SPEF2: variants seen among roughly 807,000 people sequenced by gnomAD.
The protein encoded by SPEF2 is sperm flagella and cilia-associated protein 2.
A neutral mutation model predicts 224.6 loss-of-function variants in SPEF2; 187 were observed. That is an observed-to-expected ratio of 0.83 (90% CI 0.74 to 0.94). The LOEUF (loss-of-function observed/expected upper bound fraction) is 0.94. Among genes scored for constraint, SPEF2 ranks in the 40% least tolerant of loss-of-function variants. The pLI, the probability that SPEF2 is intolerant of heterozygous loss-of-function variation, is 0.00. For synonymous variants in SPEF2, 715 were observed against 707.3 expected (o/e 1.01, Z -0.17); for missense variants, 2,170 against 2,135.6 (o/e 1.02, Z -0.32).
intron 19 of SPEF2, chr5:35,710,143 C>G (rs1474704589): frequency 4.1e-6 from 4 of 985,042 alleles, no homozygotes; most frequent in Middle Eastern, 5.2e-4. Flanking sequence ...TTTATCATGT[C>G]AACAATAAAA....
At chr5:35,794,638 C>G (rs1369784562) in intron 32 of SPEF2, among the ~76,000 whole-genome samples, 2 of 152,148 alleles carry the variant, frequency 1.3e-5, no homozygotes, top group African/African-American at 4.8e-5. Flanking sequence ...AGTGCGCACT[C>G]GTGAAATTAC....
chr5:35,808,645 A>C (rs6882117), intron 36 of SPEF2, among the ~76,000 whole-genome samples: 48,007 of 151,068 alleles, frequency 0.32, 8,219 homozygotes, highest in African/African-American at 0.44. Flanking sequence ...AATCCAGTGT[A>C]TATATCATAG....
chr5:35,637,078 A>G (rs1178472125), intron 2 of SPEF2, among the ~76,000 whole-genome samples: 1 of 151,984 alleles, frequency 6.6e-6, no homozygotes, highest in East Asian at 1.9e-4. Context: ...GATGACTGCT[A>G]AACTGCTGGT....
chr5:35,805,024 G>A (rs1448477097), intron 34 of SPEF2, among the ~76,000 whole-genome samples: 1 of 152,140 alleles, frequency 6.6e-6, no homozygotes, highest in Non-Finnish European at 1.5e-5. Context: ...GATTATTGAT[G>A]GGTAGCCAAT....
At chr5:35,689,706 C>T (rs1318810109) in intron 10 of SPEF2, among the ~76,000 whole-genome samples, 1 of 152,152 alleles carries the variant, frequency 6.6e-6, no homozygotes, top group Non-Finnish European at 1.5e-5. Context: ...TGGCTGTGCA[C>T]TATTCCATGG....
At chr5:35,643,815 T>C (rs1471695967) in intron 3 of SPEF2, among the ~76,000 whole-genome samples, 21 of 152,130 alleles carry the variant, frequency 1.4e-4, no homozygotes, top group Admixed American at 1.3e-3. Flanking sequence ...CCATAAAATA[T>C]AGTTACTTTC....
chr5:35,700,506 G>A lies in SPEF2; in HGVS notation c.2152G>A (p.Val718Met), dbSNP rs923104734. The A allele has an allele frequency of 8.1e-6, 13 of 1,611,106 alleles. No individual in the cohort carries two copies. The Admixed American group carries it at 8.4e-5, about 10-fold the overall frequency. Residue 718 changes from valine (V) to methionine (M), a missense_variant, in exon 16 of 37, where the codon GTG becomes ATG. Val to Met is a conservative substitution (Grantham distance 21). Transcript: ENST00000356031. ...IIVNAINEIPVNQDCILDGFP... is the reference protein window; with the variant it reads ...IIVNAINEIPMNQDCILDGFP... ...CCTGTTTCAATTTAGTGAGATACCTGTGAATCAAGACTGTATCCTAGATGG... is the reference window on the plus strand; with the variant it reads ...CCTGTTTCAATTTAGTGAGATACCTATGAATCAAGACTGTATCCTAGATGG...
chr5:35,764,687 A>T (rs749828349), intron 26 of SPEF2: 1 of 456,172 alleles, frequency 2.2e-6, no homozygotes, highest in South Asian at 1.5e-5. Context: ...TGCAGCACAG[A>T]TCTCACAGCA....
At chr5:35,687,908 A>G (rs1294432166) in intron 10 of SPEF2, among the ~76,000 whole-genome samples, 2 of 151,754 alleles carry the variant, frequency 1.3e-5, no homozygotes, top group Non-Finnish European at 2.9e-5. Context: ...TTTTGCAAGC[A>G]AAAAAAATTG....
intron 30 of SPEF2, among the ~76,000 whole-genome samples, chr5:35,784,031 T>G (rs969139276): frequency 6.6e-6 from 1 of 152,204 alleles, no homozygotes; most frequent in African/African-American, 2.4e-5. Flanking sequence ...CCTCTCTTTT[T>G]CTTCAAAAGA....
intron 24 of SPEF2, 26 bp downstream of exon 24, chr5:35,753,787 C>T: frequency 6.2e-7 from 1 of 1,613,222 alleles, no homozygotes; most frequent in Non-Finnish European, 8.5e-7. Flanking sequence ...CACAATAACC[C>T]AGGCACTTCC....
chr5:35,793,558 C>T (rs1055662804), intron 32 of SPEF2, among the ~76,000 whole-genome samples: 2 of 152,194 alleles, frequency 1.3e-5, no homozygotes, highest in South Asian at 2.1e-4. Context: ...TCAGAACTTC[C>T]AGGAGAACAA....
chr5:35,646,701 T>A lies in SPEF2; in HGVS notation c.620T>A (p.Met207Lys), dbSNP rs757584154. Residue 207 changes from methionine (M) to lysine (K), a missense_variant, in exon 5 of 37, where the codon ATG becomes AAG. Physicochemically the swap from Met to Lys is moderately conservative, Grantham distance 95. Transcript: ENST00000356031. ...AACAGAAGACGACAAAATGAAATAA[T>A]GGCCAAAATCCAAGCAGCTATTATA... ...YLNRRRQNEI[M>K]AKIQAAIIQI... 6.2e-7 allele frequency: 1 copy of A among 1,613,808 alleles called. No individual in the cohort carries two copies. Among genetic ancestry groups the A allele is most frequent in the East Asian group, 2.2e-5 (1 of 44,818 alleles).
intron 25 of SPEF2, 67 bp from the exon 26 acceptor site, chr5:35,763,454 CA>C (rs1470420257): frequency 7.2e-7 from 1 of 1,392,400 alleles, no homozygotes; most frequent in Non-Finnish European, 9.6e-7. Context: ...TACAAAGTAA[CA>C]TGGTCACAAA....
chr5:35,636,227 T>C (rs286439), intron 2 of SPEF2, among the ~76,000 whole-genome samples: 38,628 of 152,054 alleles, frequency 0.25, 7,559 homozygotes, highest in African/African-American at 0.55. Flanking sequence ...AGCAATTGAA[T>C]AGAGATATCT....
At chr5:35,671,654 C>T (rs1254586268) in intron 10 of SPEF2, 4 of 446,856 alleles carry the variant, frequency 9.0e-6, no homozygotes, top group African/African-American at 2.2e-5. Context: ...TCTTACAAAT[C>T]AGGAGACCTA....
intron 8 of SPEF2, among the ~76,000 whole-genome samples, chr5:35,662,478 C>A (rs1211664323): frequency 2.6e-5 from 4 of 152,152 alleles, no homozygotes; most frequent in East Asian, 3.9e-4. Context: ...TTGCTTTTGG[C>A]ATCTTCATCA....
intron 30 of SPEF2, among the ~76,000 whole-genome samples, chr5:35,785,340 A>C (rs552777435): frequency 1.4e-5 from 2 of 146,238 alleles, no homozygotes; most frequent in African/African-American, 4.9e-5. Flanking sequence ...ATGTGTCTTC[A>C]GAATGAAACA....
At chr5:35,649,603 T>A (rs900753011) in intron 6 of SPEF2, among the ~76,000 whole-genome samples, 178 bp downstream of exon 6, 2 of 152,214 alleles carry the variant, frequency 1.3e-5, no homozygotes, top group Non-Finnish European at 2.9e-5. Context: ...TGTTAGCAAC[T>A]GTTATAAATA....
Sources: gnomAD v4.1 joint callset for allele counts (sites outside exome capture counted in the v4.1 genomes callset) on GRCh38, gnomAD v4.1.1 for gene constraint, MANE v1.5 for transcripts, NCBI Gene and HGNC (gene_info 2026-07-23, HGNC 2026-07-21) for gene names.